Variants in SSBP2 observed in about 807,000 individuals in gnomAD.
The protein encoded by SSBP2 is single stranded DNA binding protein 2, also known as single-stranded DNA-binding protein 2.
A neutral mutation model predicts 61.8 loss-of-function variants in SSBP2; 17 were observed. The observed-to-expected ratio is 0.28, with a 90% CI of 0.19 to 0.41. The LOEUF (loss-of-function observed/expected upper bound fraction) is 0.41, where lower values mean the gene tolerates loss of function less well. Among genes scored for constraint, SSBP2 ranks in the 10% least tolerant of loss-of-function variants. The pLI is 1.00. For synonymous variants in SSBP2, 139 were observed against 141.3 expected (o/e 0.98, Z 0.12); for missense variants, 310 against 458.7 (o/e 0.68, Z 2.96).
chr5:81,505,346 G>A (rs1339764647), intron 5 of SSBP2, among the ~76,000 whole-genome samples: 1 of 152,190 alleles, frequency 6.6e-6, no homozygotes, highest in Non-Finnish European at 1.5e-5. Context: ...AAGACAAATT[G>A]TTCCTGAACG....
At chr5:81,601,664 C>G (rs1455114523) in intron 4 of SSBP2, among the ~76,000 whole-genome samples, 1 of 152,186 alleles carries the variant, frequency 6.6e-6, no homozygotes, top group African/African-American at 2.4e-5. Flanking sequence ...AGAATTTGCT[C>G]TGTGACCACA....
chr5:81,591,547 C>G (rs964923197), intron 4 of SSBP2, among the ~76,000 whole-genome samples: 1 of 151,758 alleles, frequency 6.6e-6, no homozygotes, highest in African/African-American at 2.4e-5. Context: ...AAAAGGTGGA[C>G]CACAAGCATG....
At chr5:81,715,179 G>C (rs1755093003) in intron 1 of SSBP2, among the ~76,000 whole-genome samples, 1 of 152,034 alleles carries the variant, frequency 6.6e-6, no homozygotes, top group Non-Finnish European at 1.5e-5. Context: ...CAGGGGGAGA[G>C]ACAAAATCAA....
chr5:81,532,381 G>T (rs1402592303), intron 4 of SSBP2, among the ~76,000 whole-genome samples: 3 of 151,900 alleles, frequency 2.0e-5, no homozygotes, highest in African/African-American at 7.2e-5. Flanking sequence ...TCTGAACTTT[G>T]TTTTCAAGGA....
intron 15 of SSBP2, among the ~76,000 whole-genome samples, chr5:81,432,938 G>T (rs1015817745): frequency 2.0e-5 from 3 of 146,664 alleles, no homozygotes; most frequent in African/African-American, 7.8e-5. Flanking sequence ...GAGGTGGGGG[G>T]GGTCAGCCCC....
chr5:81,650,010 T>C (rs186547025), intron 2 of SSBP2, among the ~76,000 whole-genome samples: 4 of 152,172 alleles, frequency 2.6e-5, no homozygotes, highest in East Asian at 3.9e-4. Flanking sequence ...TTCTTGATTA[T>C]TGTTGCCATG....
chr5:81,750,823 C>G (rs1757715541), intron 1 of SSBP2, 158 bp downstream of exon 1: 1 of 837,076 alleles, frequency 1.2e-6, no homozygotes, highest in African/African-American at 1.7e-5. Flanking sequence ...AGCGCAGCTC[C>G]CCGCACCACA....
At chr5:81,562,753 C>T (rs528573870) in intron 4 of SSBP2, among the ~76,000 whole-genome samples, 112 of 152,098 alleles carry the variant, frequency 7.4e-4, no homozygotes, top group African/African-American at 2.5e-3. Context: ...ATATGGGCAA[C>T]GAATAATCAG....
intron 4 of SSBP2, among the ~76,000 whole-genome samples, chr5:81,513,966 G>A (rs909199261): frequency 6.6e-6 from 1 of 152,070 alleles, no homozygotes; most frequent in Non-Finnish European, 1.5e-5. Flanking sequence ...ATATTTTGAT[G>A]ATATAGTAAA....
chr5:81,432,995 A>C (rs7715201), intron 15 of SSBP2, among the ~76,000 whole-genome samples: 64,863 of 128,104 alleles, frequency 0.51, 18,974 homozygotes, highest in African/African-American at 0.86. Flanking sequence ...GGGGGGTCAG[A>C]CTCCCGCCCG....
chr5:81,488,704 T>G (rs1457054473), intron 6 of SSBP2, among the ~76,000 whole-genome samples: 3 of 58,600 alleles, frequency 5.1e-5, no homozygotes, highest in East Asian at 1.2e-3. Context: ...CCCTCCCCCC[T>G]CCCCCCACCC....
chr5:81,649,784 A>T (rs1296099011), intron 2 of SSBP2, among the ~76,000 whole-genome samples: 2 of 145,378 alleles, frequency 1.4e-5, no homozygotes, highest in Admixed American at 1.4e-4. Context: ...AGTTGAAATT[A>T]AAAAAAAAAA....
At chr5:81,522,142 C>T (rs1374998999) in intron 4 of SSBP2, among the ~76,000 whole-genome samples, 1 of 151,932 alleles carries the variant, frequency 6.6e-6, no homozygotes, top group Non-Finnish European at 1.5e-5. Context: ...CCCAAAAATT[C>T]ATCAGTAATA....
At chr5:81,497,439 G>C (rs953070537) in intron 5 of SSBP2, among the ~76,000 whole-genome samples, 1 of 152,098 alleles carries the variant, frequency 6.6e-6, no homozygotes, top group African/African-American at 2.4e-5. Context: ...CTAAAAGCCC[G>C]CAAAAGATAT....
At chr5:81,628,564 A>C (rs981134789) in intron 3 of SSBP2, among the ~76,000 whole-genome samples, 2 of 152,182 alleles carry the variant, frequency 1.3e-5, no homozygotes, top group African/African-American at 4.8e-5. Context: ...CAGAAGAAAG[A>C]AGCTTATTGG....
At chr5:81,483,829 C>T (rs564374707) in intron 6 of SSBP2, among the ~76,000 whole-genome samples, 1 of 151,948 alleles carries the variant, frequency 6.6e-6, no homozygotes, top group Non-Finnish European at 1.5e-5. Flanking sequence ...TGCAACTGTG[C>T]TGTTCAAATT....
intron 14 of SSBP2, among the ~76,000 whole-genome samples, chr5:81,438,403 A>G (rs959871726): frequency 5.9e-5 from 9 of 152,028 alleles, no homozygotes; most frequent in African/African-American, 1.2e-4. Context: ...AACAATAATC[A>G]GATCTTTGCC....
intron 5 of SSBP2, among the ~76,000 whole-genome samples, chr5:81,501,716 C>T (rs1450612048): frequency 6.6e-6 from 1 of 151,814 alleles, no homozygotes. Context: ...GCGCCCACCA[C>T]CACGCCCGGC....
intron 4 of SSBP2, among the ~76,000 whole-genome samples, chr5:81,530,995 A>G (rs1362000508): frequency 6.6e-6 from 1 of 152,022 alleles, no homozygotes; most frequent in African/African-American, 2.4e-5. Context: ...AGGTGGGAGG[A>G]CTGCTTGCAT....
Sources: gnomAD v4.1 joint callset for allele counts (sites outside exome capture counted in the v4.1 genomes callset) on GRCh38, gnomAD v4.1.1 for gene constraint, MANE v1.5 for transcripts, NCBI Gene and HGNC (gene_info 2026-07-23, HGNC 2026-07-21) for gene names.